The following IKZF2 variants were observed in gnomAD, a reference collection of about 807,000 sequenced individuals.
IKZF2 encodes the protein IKAROS family zinc finger 2, also known as zinc finger protein Helios.
Under a neutral mutation model 49.2 loss-of-function variants are expected in IKZF2, and 15 were observed. The ratio of observed to expected loss-of-function variants is 0.30; its 90% CI spans 0.20 to 0.47. The LOEUF is 0.47. Among genes scored for constraint, IKZF2 ranks in the 20% least tolerant of loss-of-function variants. The pLI is 1.00. For synonymous variants in IKZF2, 227 were observed against 221.4 expected, an observed-to-expected ratio of 1.03 and a Z score of -0.23; for missense variants, 567 against 664.6, an observed-to-expected ratio of 0.85 and a Z score of 1.61.
chr2:213,072,296 G>GTTTTTTTTT (rs377550534), intron 4 of IKZF2, among the ~76,000 whole-genome samples: 3 of 144,552 alleles, frequency 2.1e-5, no homozygotes, highest in Non-Finnish European at 1.5e-5. Flanking sequence ...CCTTTCCTTT[G>GTTTTTTTTT]TTTTTTTTTT....
chr2:213,076,056 C>T (rs1175991345), intron 4 of IKZF2, among the ~76,000 whole-genome samples: 2 of 152,096 alleles, frequency 1.3e-5, no homozygotes, highest in East Asian at 3.9e-4. Context: ...TTTTAAATCA[C>T]TGATTGTAAA....
At chr2:213,146,549 T>C (rs1252878593) in intron 4 of IKZF2, among the ~76,000 whole-genome samples, 3 of 152,036 alleles carry the variant, frequency 2.0e-5, no homozygotes, top group Non-Finnish European at 4.4e-5. Context: ...AGTTAATAAA[T>C]TGCAAAATGT....
intron 6 of IKZF2, among the ~76,000 whole-genome samples, chr2:213,041,050 G>A (rs1216219649): frequency 4.6e-5 from 7 of 151,980 alleles, no homozygotes; most frequent in Non-Finnish European, 2.9e-5. Flanking sequence ...CCCAGGAGGC[G>A]GAGGTTGCAG....
In IKZF2 at chr2:213,146,503, A is replaced by T. The variant is rs138519120; in HGVS notation, c.139+1205T>A. Among the ~76,000 whole-genome samples the T allele has an allele frequency of 4.0e-4, 61 of 152,222 alleles. No homozygotes were observed. The East Asian group carries it at 0.011, about 27-fold the overall frequency. On this transcript the variant is annotated intron_variant, in intron 4 of 8. Coordinates refer to ENST00000434687, the MANE Select transcript of IKZF2 (RefSeq NM_001387220.1). ...AAATAAATAAAGCAAATTCAAACTC[A>T]ATCATAATTTCAAGTCAATAGCTAA...
intron 4 of IKZF2, among the ~76,000 whole-genome samples, chr2:213,124,246 G>A (rs1485123994): frequency 5.9e-5 from 6 of 102,520 alleles, no homozygotes; most frequent in South Asian, 7.3e-4. Flanking sequence ...GCGCTCGCGC[G>A]CGCGCGCACA....
intron 4 of IKZF2, among the ~76,000 whole-genome samples, chr2:213,142,996 C>T (rs1280668725): frequency 6.6e-6 from 1 of 151,832 alleles, no homozygotes; most frequent in Non-Finnish European, 1.5e-5. Flanking sequence ...AAAATACCAA[C>T]AGGCCAACAA....
intron 7 of IKZF2, chr2:213,021,744 G>C: frequency 1.8e-6 from 1 of 552,172 alleles, no homozygotes; most frequent in Non-Finnish European, 3.4e-6. Context: ...TGAAAAAGAA[G>C]AGTAAATAGT....
At chr2:213,085,829 A>G (rs1396301700) in intron 4 of IKZF2, among the ~76,000 whole-genome samples, 1 of 152,160 alleles carries the variant, frequency 6.6e-6, no homozygotes, top group Non-Finnish European at 1.5e-5. Flanking sequence ...TCCTTTCTCG[A>G]TTATCCTTAA....
At chr2:213,114,285 T>A (rs2059802796) in intron 4 of IKZF2, among the ~76,000 whole-genome samples, 1 of 152,188 alleles carries the variant, frequency 6.6e-6, no homozygotes, top group South Asian at 2.1e-4. Flanking sequence ...TGACAAGTAT[T>A]CTGATAGTTT....
chr2:213,150,334 C>A, intron 1 of IKZF2, 87 bp from the exon 2 acceptor site: 1 of 451,122 alleles, frequency 2.2e-6, no homozygotes. Context: ...AAGCCAAGCC[C>A]CCTGCAGAGT....
At chr2:213,141,758 T>G (rs1378468712) in intron 4 of IKZF2, among the ~76,000 whole-genome samples, 1 of 151,812 alleles carries the variant, frequency 6.6e-6, no homozygotes, top group Non-Finnish European at 1.5e-5. Context: ...CCCACTAGAG[T>G]ATGAGTTCCT....
chr2:213,087,300 T>G (rs1574795032), intron 4 of IKZF2, among the ~76,000 whole-genome samples: 1 of 152,282 alleles, frequency 6.6e-6, no homozygotes, highest in East Asian at 1.9e-4. Context: ...GCAGCAAACA[T>G]TTACTCATGT....
intron 6 of IKZF2, among the ~76,000 whole-genome samples, chr2:213,047,347 T>C (rs1343806752): frequency 1.3e-5 from 2 of 152,106 alleles, no homozygotes; most frequent in Non-Finnish European, 2.9e-5. Context: ...AAGGAGTGGT[T>C]CATGTATGGT....
intron 6 of IKZF2, among the ~76,000 whole-genome samples, chr2:213,047,943 T>C (rs189160424): frequency 6.6e-6 from 1 of 152,188 alleles, no homozygotes; most frequent in East Asian, 1.9e-4. Context: ...AAGATGTATT[T>C]GATTGGAAGA....
At chr2:213,133,218 T>C (rs1380242104) in intron 4 of IKZF2, among the ~76,000 whole-genome samples, 1 of 152,222 alleles carries the variant, frequency 6.6e-6, no homozygotes, top group African/African-American at 2.4e-5. Flanking sequence ...TAACTTACCA[T>C]GAGCCAGTCA....
chr2:213,139,417 A>G (rs1351438139), intron 4 of IKZF2, among the ~76,000 whole-genome samples: 1 of 151,968 alleles, frequency 6.6e-6, no homozygotes, highest in African/African-American at 2.4e-5. Context: ...AAACATTTGA[A>G]TTATATAACT....
chr2:213,025,570 C>T (rs1223056255), intron 6 of IKZF2, among the ~76,000 whole-genome samples: 2 of 152,108 alleles, frequency 1.3e-5, no homozygotes, highest in African/African-American at 4.8e-5. Flanking sequence ...TCTTGTTTTA[C>T]TCAATTTTAA....
At chr2:213,114,241 TA>T (rs1419909384) in intron 4 of IKZF2, among the ~76,000 whole-genome samples, 1 of 152,156 alleles carries the variant, frequency 6.6e-6, no homozygotes, top group Non-Finnish European at 1.5e-5. Flanking sequence ...GTGTGTGTTA[TA>T]GGGGCAAAGG....
rs1694996811 is a variant in IKZF2 at position 213,002,533 on chromosome 2, T to C, written c.*4827A>G. Reference sequence around the variant, plus strand: ...AGCATATCACAGCTTCTTGGTCATATGCCATTTGCTTTGTATAACCAGCAG... The same window carrying C: ...AGCATATCACAGCTTCTTGGTCATACGCCATTTGCTTTGTATAACCAGCAG... On this transcript the variant is annotated 3_prime_UTR_variant, in exon 9 of 9. Transcript: ENST00000434687. The C allele has an allele frequency of 6.6e-6, 1 of 151,730 alleles. No homozygotes were observed. The highest frequency in any genetic ancestry group is 6.6e-5 in the Admixed American group (1 of 15,170). 9.4% of individuals were successfully genotyped at this position (151,730 alleles called of 1,614,324 possible).
Sources: allele counts gnomAD v4.1 joint callset (sites outside exome capture counted in the v4.1 genomes callset), GRCh38; gene constraint gnomAD v4.1.1; transcripts MANE v1.5; gene names NCBI Gene and HGNC (gene_info 2026-07-23, HGNC 2026-07-21).